Variants in ADAMTS19 observed in about 807,000 individuals in gnomAD.
ADAMTS19 encodes the protein A disintegrin and metalloproteinase with thrombospondin motifs 19.
Under a neutral mutation model 153.3 loss-of-function variants are expected in ADAMTS19, and 93 were observed. The ratio of observed to expected loss-of-function variants is 0.61; its 90% CI spans 0.51 to 0.72. ADAMTS19 has a LOEUF of 0.72. Ranked by LOEUF, ADAMTS19 falls within the 30% of genes least tolerant of loss-of-function variation. The probability of loss-of-function intolerance (pLI) is 0.00; values close to 1 mark genes in which losing one functional copy is unlikely to be tolerated. For synonymous variants in ADAMTS19, 600 were observed against 556.6 expected (o/e 1.08, Z -1.10); for missense variants, 1,482 against 1,552.1 (o/e 0.95, Z 0.76).
intron 20 of ADAMTS19, among the ~76,000 whole-genome samples, chr5:129,702,941 A>AAAAAATATATATATATATAT: frequency 5.5e-4 from 16 of 29,290 alleles, no homozygotes; most frequent in African/African-American, 1.4e-3. Context: ...AAAAAAAAAA[A>AAAAAATATATATATATATAT]ATATATATAT....
chr5:129,505,111 C>T lies in ADAMTS19; in HGVS notation c.748-3966C>T, dbSNP rs141099486. ...ATCACGACTGTTACAATATTAAGTA[C>T]CTAATGAATTCTCAATACGTATTTG... On this transcript the variant is annotated intron_variant, in intron 2 of 22. Transcript: ENST00000274487. 7.2e-5 allele frequency among the ~76,000 whole-genome samples: 11 copies of T among 152,084 alleles called. No individual in the cohort carries two copies. In the East Asian group the frequency reaches 1.9e-3, roughly 27 times the overall value.
rs141211570 is a variant in ADAMTS19 at position 129,495,110 on chromosome 5, G to C, written c.748-13967G>C. 1.2e-4 allele frequency among the ~76,000 whole-genome samples: 18 copies of C among 152,054 alleles called. No homozygotes were observed. In the South Asian group the frequency reaches 1.5e-3, roughly 12 times the overall value. On this transcript the variant is annotated intron_variant, in intron 2 of 22. Transcript: ENST00000274487. ...TAATTATTAATATTTGTTAAATACTGAGGGTGGATATGTGAGCACTCTATT... is the reference window on the plus strand; with the variant it reads ...TAATTATTAATATTTGTTAAATACTCAGGGTGGATATGTGAGCACTCTATT...
chr5:129,640,132 GA>G (rs1752728404), intron 10 of ADAMTS19, among the ~76,000 whole-genome samples: 2 of 151,850 alleles, frequency 1.3e-5, no homozygotes, highest in Non-Finnish European at 1.5e-5. Context: ...TTTGAAGCTG[GA>G]AAAAAAGTCA....
At chr5:129,550,067 T>C (rs1413539055) in intron 6 of ADAMTS19, among the ~76,000 whole-genome samples, 1 of 113,742 alleles carries the variant, frequency 8.8e-6, no homozygotes, top group Non-Finnish European at 1.8e-5. Flanking sequence ...TGTATGTATC[T>C]AGATATACAT....
At chr5:129,575,873 G>A (rs933843967) in intron 7 of ADAMTS19, among the ~76,000 whole-genome samples, 5 of 152,062 alleles carry the variant, frequency 3.3e-5, no homozygotes, top group African/African-American at 1.2e-4. Flanking sequence ...AGGATTTGAG[G>A]GTTTATCTTC....
chr5:129,620,866 C>T (rs1751748943), intron 9 of ADAMTS19, 108 bp downstream of exon 9: 1 of 1,176,124 alleles, frequency 8.5e-7, no homozygotes, highest in African/African-American at 1.6e-5. Flanking sequence ...CAGAGTAAAA[C>T]TGAAGGTACT....
intron 21 of ADAMTS19, among the ~76,000 whole-genome samples, chr5:129,710,577 A>C (rs30304): frequency 0.59 from 89,542 of 151,978 alleles, 26,808 homozygotes; most frequent in Non-Finnish European, 0.65. Context: ...GTGATATTAA[A>C]ATGTTCAAGA....
chr5:129,647,214 GAAA>G (rs34958335), intron 11 of ADAMTS19, among the ~76,000 whole-genome samples: 14,231 of 102,386 alleles, frequency 0.14, 472 homozygotes, highest in Middle Eastern at 0.19. Flanking sequence ...AATTCTTTCA[GAAA>G]AAAAAAAAAA....
chr5:129,536,785 A>G (rs1221946021), intron 6 of ADAMTS19, among the ~76,000 whole-genome samples: 1 of 152,156 alleles, frequency 6.6e-6, no homozygotes, highest in Admixed American at 6.6e-5. Context: ...ATTGGAAATC[A>G]TCATTCTCAG....
intron 8 of ADAMTS19, among the ~76,000 whole-genome samples, chr5:129,614,908 C>T (rs971916461): frequency 6.6e-6 from 1 of 151,968 alleles, no homozygotes; most frequent in African/African-American, 2.4e-5. Flanking sequence ...AAACAGAGAG[C>T]CAAATCATGA....
intron 7 of ADAMTS19, among the ~76,000 whole-genome samples, chr5:129,571,723 C>T (rs532351887): frequency 7.3e-5 from 11 of 151,692 alleles, no homozygotes; most frequent in African/African-American, 2.7e-4. Context: ...ATAGAAAAAT[C>T]GTTTCGGAGA....
chr5:129,538,366 T>C, intron 6 of ADAMTS19, among the ~76,000 whole-genome samples: 1 of 152,238 alleles, frequency 6.6e-6, no homozygotes, highest in South Asian at 2.1e-4. Context: ...CAAGTTTTGT[T>C]TCTCACCAAC....
At chr5:129,526,197 T>C in intron 3 of ADAMTS19, 87 bp from the exon 4 acceptor site, 2 of 1,159,810 alleles carry the variant, frequency 1.7e-6, no homozygotes, top group Non-Finnish European at 2.3e-6. Flanking sequence ...CGGGAACTTA[T>C]TTGGGTTTGC....
intron 11 of ADAMTS19, among the ~76,000 whole-genome samples, chr5:129,644,107 C>T (rs991712577): frequency 1.3e-5 from 2 of 152,056 alleles, no homozygotes; most frequent in African/African-American, 4.8e-5. Flanking sequence ...TTAAAGTAAA[C>T]TTATTTTGGC....
intron 9 of ADAMTS19, among the ~76,000 whole-genome samples, chr5:129,621,787 T>C (rs1392032951): frequency 1.3e-5 from 2 of 152,222 alleles, no homozygotes; most frequent in African/African-American, 4.8e-5. Flanking sequence ...TCTACACTGT[T>C]AATATTCACC....
chr5:129,608,940 GATGAA>G (rs1434569926), intron 8 of ADAMTS19, among the ~76,000 whole-genome samples: 1 of 151,722 alleles, frequency 6.6e-6, no homozygotes, highest in African/African-American at 2.4e-5. Flanking sequence ...ATGGGAAATA[GATGAA>G]ATAAGAATAA....
At chr5:129,604,863 G>A (rs1342594560) in intron 8 of ADAMTS19, among the ~76,000 whole-genome samples, 2 of 152,104 alleles carry the variant, frequency 1.3e-5, no homozygotes, top group African/African-American at 2.4e-5. Context: ...ATGCAGAAAT[G>A]ACTACCCCAG....
chr5:129,558,377 G>T (rs974896503), intron 7 of ADAMTS19, among the ~76,000 whole-genome samples: 2 of 151,956 alleles, frequency 1.3e-5, no homozygotes, highest in Non-Finnish European at 2.9e-5. Flanking sequence ...TTTTATTTTG[G>T]TAATAGGCAG....
intron 3 of ADAMTS19, among the ~76,000 whole-genome samples, chr5:129,522,332 C>CACACACACACACACACACACAT (rs1309115957): frequency 3.4e-5 from 2 of 58,618 alleles, no homozygotes; most frequent in African/African-American, 1.8e-4. Context: ...CACACACACA[C>CACACACACACACACACACACAT]ATATATATAT....
Sources: allele counts gnomAD v4.1 joint callset (sites outside exome capture counted in the v4.1 genomes callset), GRCh38; gene constraint gnomAD v4.1.1; transcripts MANE v1.5; gene names NCBI Gene and HGNC (gene_info 2026-07-23, HGNC 2026-07-21).